WDR72: variants seen among roughly 807,000 people sequenced by gnomAD.
The protein encoded by WDR72 is WD repeat-containing protein 72.
WDR72 carries 120 observed loss-of-function variants against 124.2 expected under a neutral mutation model. The ratio of observed to expected loss-of-function variants is 0.97; its 90% CI spans 0.83 to 1.12. The LOEUF (loss-of-function observed/expected upper bound fraction) is 1.12. Ranked by LOEUF, WDR72 falls within the 50% of genes most tolerant of loss-of-function variation. The pLI, the probability that WDR72 is intolerant of heterozygous loss-of-function variation, is 0.00. For missense variants in WDR72, 1,387 were observed against 1,278.8 expected (o/e 1.08, Z -1.29); for synonymous variants, 452 against 441.7 (o/e 1.02, Z -0.29).
At chr15:53,728,145 G>A (rs1332143662) in intron 2 of WDR72, among the ~76,000 whole-genome samples, 1 of 152,168 alleles carries the variant, frequency 6.6e-6, no homozygotes, top group Non-Finnish European at 1.5e-5. Context: ...CACATGGCTG[G>A]GGAGGCCTCC....
At chr15:53,722,767 T>C in intron 3 of WDR72, 35 bp downstream of exon 3, 2 of 1,583,048 alleles carry the variant, frequency 1.3e-6, no homozygotes, top group Non-Finnish European at 1.7e-6. Flanking sequence ...GGGAAGGAAA[T>C]GGAGAAGGGG....
intron 18 of WDR72, among the ~76,000 whole-genome samples, chr15:53,582,471 T>C (rs984717738): frequency 3.3e-5 from 5 of 151,952 alleles, no homozygotes; most frequent in Non-Finnish European, 5.9e-5. Context: ...ACACACCAAA[T>C]CTGATTTCTG....
chr15:53,631,215 C>T (rs919608546), intron 14 of WDR72, among the ~76,000 whole-genome samples: 2 of 152,144 alleles, frequency 1.3e-5, no homozygotes, highest in East Asian at 1.9e-4. Context: ...GAGATCTGGT[C>T]GTATAAAAAG....
At chr15:53,571,404 T>G (rs1199279471) in intron 18 of WDR72, among the ~76,000 whole-genome samples, 1 of 152,078 alleles carries the variant, frequency 6.6e-6, no homozygotes, top group African/African-American at 2.4e-5. Flanking sequence ...CTGAAACTAC[T>G]ACCCTATTCT....
At chr15:53,757,740 C>T (rs576442891) in intron 1 of WDR72, among the ~76,000 whole-genome samples, 4 of 152,166 alleles carry the variant, frequency 2.6e-5, no homozygotes, top group East Asian at 1.9e-4. Context: ...ACAGAAATTT[C>T]GAGTATATGA....
At chr15:53,694,701 C>T (rs183490173) in intron 13 of WDR72, among the ~76,000 whole-genome samples, 10 of 152,322 alleles carry the variant, frequency 6.6e-5, no homozygotes, top group Admixed American at 6.5e-4. Flanking sequence ...AACACCTACT[C>T]TGGGGACCTT....
At chr15:53,565,736 G>A (rs769172801) in intron 18 of WDR72, among the ~76,000 whole-genome samples, 1 of 150,456 alleles carries the variant, frequency 6.6e-6, no homozygotes, top group East Asian at 2.0e-4. Context: ...TAGTACCTAA[G>A]TCATTTCAAA....
intron 18 of WDR72, among the ~76,000 whole-genome samples, chr15:53,538,840 C>A (rs1298612729): frequency 1.3e-5 from 2 of 152,014 alleles, no homozygotes; most frequent in Admixed American, 6.6e-5. Flanking sequence ...GCTGAAATAA[C>A]TGGATCAGAG....
chr15:53,713,384 C>T (rs548163647), intron 6 of WDR72, among the ~76,000 whole-genome samples: 4 of 61,792 alleles, frequency 6.5e-5, no homozygotes, highest in Middle Eastern at 0.013. Flanking sequence ...AAAAAACCTA[C>T]AGTATTTTAT....
At chr15:53,710,309 G>T (rs746604666) in intron 9 of WDR72, among the ~76,000 whole-genome samples, 1 of 151,934 alleles carries the variant, frequency 6.6e-6, no homozygotes, top group African/African-American at 2.4e-5. Flanking sequence ...TTATCACAAG[G>T]GTCAGTGAAA....
At position 53,728,054 on chromosome 15, in the gene WDR72, G is replaced by C. The variant is rs1011089653; in HGVS notation, c.153+4943C>G. Among the ~76,000 whole-genome samples the C allele has an allele frequency of 4.6e-5, 7 of 152,154 alleles. No homozygotes were observed. The South Asian group carries it at 1.4e-3, about 31-fold the overall frequency. On this transcript the variant is annotated intron_variant, in intron 2 of 19. Coordinates refer to ENST00000360509, the MANE Select transcript of WDR72 (RefSeq NM_182758.4). ...AACACACAACTTGATGAATGTATTA[G>C]TCTGTTTTCACACCGCTGATAAAGA...
intron 17 of WDR72, among the ~76,000 whole-genome samples, chr15:53,601,483 T>C (rs752160620): frequency 1.3e-5 from 2 of 152,168 alleles, no homozygotes; most frequent in Non-Finnish European, 2.9e-5. Flanking sequence ...AACATCATGA[T>C]GACAGGATGA....
chr15:53,601,994 C>T (rs2013065065), intron 17 of WDR72, among the ~76,000 whole-genome samples: 1 of 151,832 alleles, frequency 6.6e-6, no homozygotes, highest in South Asian at 2.1e-4. Context: ...TCAAATGGAC[C>T]TGATGTCTAT....
chr15:53,739,304 G>A (rs2018443353), intron 1 of WDR72, among the ~76,000 whole-genome samples: 1 of 152,162 alleles, frequency 6.6e-6, no homozygotes, highest in South Asian at 2.1e-4. Context: ...CGCAGAATCT[G>A]GCAGTCCTGG....
chr15:53,650,893 GTTTTTT>G (rs71297666), intron 14 of WDR72, among the ~76,000 whole-genome samples: 2 of 106,780 alleles, frequency 1.9e-5, no homozygotes, highest in African/African-American at 3.8e-5. Context: ...CTCTAATTCA[GTTTTTT>G]TTTTTTTTTT....
In WDR72 at chr15:53,727,082, C is replaced by T. The variant is rs554940035; in HGVS notation, c.154-4174G>A. ...ATCCCAGCACTTTGGGAGGCTGAGGCGGGTGGATCACTTGAGGTCAGATAT... is the reference window on the plus strand; with the variant it reads ...ATCCCAGCACTTTGGGAGGCTGAGGTGGGTGGATCACTTGAGGTCAGATAT... On this transcript the variant is annotated intron_variant, in intron 2 of 19. Transcript: ENST00000360509. 1.2e-3 allele frequency among the ~76,000 whole-genome samples: 183 copies of T among 151,944 alleles called. 1 individual carries two copies. The highest frequency in any genetic ancestry group is 4.3e-3 in the African/African-American group (177 of 41,450).
At chr15:53,653,073 C>T (rs1372288429) in intron 14 of WDR72, among the ~76,000 whole-genome samples, 1 of 152,140 alleles carries the variant, frequency 6.6e-6, no homozygotes, top group African/African-American at 2.4e-5. Context: ...GGACTTAAAG[C>T]AATTGGGTGG....
At chr15:53,523,348 G>GAGAGAGAGAC (rs1566940594) in intron 18 of WDR72, 26 bp from the exon 19 acceptor site, 2 of 1,605,268 alleles carry the variant, frequency 1.2e-6, no homozygotes, top group Non-Finnish European at 1.7e-6. Context: ...GAGAGAGAGA[G>GAGAGAGAGAC]AGAGACAGAA....
intron 18 of WDR72, among the ~76,000 whole-genome samples, chr15:53,535,722 C>G (rs545568366): frequency 6.6e-6 from 1 of 152,236 alleles, no homozygotes; most frequent in East Asian, 1.9e-4. Context: ...ATTGACAAAT[C>G]TGAAACACAG....
Sources: gnomAD v4.1 joint callset for allele counts (sites outside exome capture counted in the v4.1 genomes callset) on GRCh38, gnomAD v4.1.1 for gene constraint, MANE v1.5 for transcripts, NCBI Gene and HGNC (gene_info 2026-07-23, HGNC 2026-07-21) for gene names.